Variants in MDGA2 observed in about 807,000 individuals in gnomAD.
MDGA2 encodes MAM domain containing glycosylphosphatidylinositol anchor 2, also known as MAM domain-containing glycosylphosphatidylinositol anchor protein 2.
In MDGA2, 40 loss-of-function variants were observed where a neutral mutation model predicts 117.8. That is an observed-to-expected ratio of 0.34 (90% CI 0.26 to 0.44). The LOEUF (loss-of-function observed/expected upper bound fraction) is 0.44. Among genes scored for constraint, MDGA2 ranks in the 20% least tolerant of loss-of-function variants. The pLI is 1.00. For synonymous variants in MDGA2, 452 were observed against 439.0 expected (o/e 1.03, Z -0.37); for missense variants, 1,123 against 1,250.6 (o/e 0.90, Z 1.54).
intron 7 of MDGA2, among the ~76,000 whole-genome samples, chr14:47,060,288 T>C (rs1003230747): frequency 6.6e-6 from 1 of 152,094 alleles, no homozygotes; most frequent in African/African-American, 2.4e-5. Context: ...ACTTCTATTC[T>C]TAAGGAGTAA....
intron 1 of MDGA2, among the ~76,000 whole-genome samples, chr14:47,413,425 G>C (rs1478707503): frequency 6.6e-6 from 1 of 152,114 alleles, no homozygotes; most frequent in Non-Finnish European, 1.5e-5. Context: ...CAGTGGGAAA[G>C]AAAGAAGTAA....
intron 10 of MDGA2, among the ~76,000 whole-genome samples, chr14:46,901,598 C>G (rs930271227): frequency 1.3e-5 from 2 of 152,160 alleles, no homozygotes; most frequent in Non-Finnish European, 1.5e-5. Flanking sequence ...CAGTACCAGA[C>G]ATTGAGGATA....
At chr14:47,078,332 A>C (rs1044434372) in intron 6 of MDGA2, among the ~76,000 whole-genome samples, 1 of 152,160 alleles carries the variant, frequency 6.6e-6, no homozygotes, top group Non-Finnish European at 1.5e-5. Flanking sequence ...TAAGGCTTTG[A>C]AAGATATTTG....
At chr14:47,572,750 C>T (rs1896043772) in intron 1 of MDGA2, among the ~76,000 whole-genome samples, 1 of 152,078 alleles carries the variant, frequency 6.6e-6, no homozygotes, top group African/African-American at 2.4e-5. Flanking sequence ...ACCTCAGAAA[C>T]AGTAATATAT....
chr14:47,650,599 G>T (rs1471312726), intron 1 of MDGA2, among the ~76,000 whole-genome samples: 1 of 152,122 alleles, frequency 6.6e-6, no homozygotes, highest in African/African-American at 2.4e-5. Flanking sequence ...TGATGGAAAG[G>T]CAACCTGTCC....
chr14:46,931,896 T>G (rs555100932), intron 9 of MDGA2, among the ~76,000 whole-genome samples: 5 of 152,020 alleles, frequency 3.3e-5, no homozygotes, highest in African/African-American at 1.2e-4. Flanking sequence ...TTTTAAATTT[T>G]TCATTAAATT....
At chr14:47,466,119 G>A (rs755311150) in intron 1 of MDGA2, among the ~76,000 whole-genome samples, 1 of 152,064 alleles carries the variant, frequency 6.6e-6, no homozygotes, top group Non-Finnish European at 1.5e-5. Context: ...GCTAAATTAT[G>A]AGATCTTATA....
chr14:47,372,990 C>A (rs1221907780), intron 1 of MDGA2, among the ~76,000 whole-genome samples: 1 of 151,742 alleles, frequency 6.6e-6, no homozygotes, highest in Non-Finnish European at 1.5e-5. Context: ...AATGCAAATA[C>A]CAGTATTATC....
chr14:47,651,560 G>A (rs1348529888), intron 1 of MDGA2, among the ~76,000 whole-genome samples: 1 of 152,046 alleles, frequency 6.6e-6, no homozygotes. Flanking sequence ...CAAATCAGAA[G>A]AGTGATGTAA....
chr14:47,571,416 AG>A (rs1474624016), intron 1 of MDGA2, among the ~76,000 whole-genome samples: 10 of 152,216 alleles, frequency 6.6e-5, no homozygotes, highest in Non-Finnish European at 1.5e-4. Flanking sequence ...ATATACCCAA[AG>A]GATTATAAAT....
chr14:46,919,977 C>T (rs1252330124), intron 10 of MDGA2, 35 bp downstream of exon 10: 19 of 1,536,012 alleles, frequency 1.2e-5, no homozygotes, highest in Non-Finnish European at 1.7e-5. Flanking sequence ...CACAGAGGAC[C>T]ACAAAGAAAA....
intron 1 of MDGA2, among the ~76,000 whole-genome samples, chr14:47,322,874 C>G (rs1890021462): frequency 6.6e-6 from 1 of 151,880 alleles, no homozygotes; most frequent in African/African-American, 2.4e-5. Context: ...CTAACGTAAA[C>G]CTCCCTCTCC....
At chr14:46,861,463 G>T (rs994928452) in intron 14 of MDGA2, among the ~76,000 whole-genome samples, 1 of 151,614 alleles carries the variant, frequency 6.6e-6, no homozygotes, top group Non-Finnish European at 1.5e-5. Context: ...TTCTATTTAT[G>T]TTTGTTGAAT....
intron 1 of MDGA2, among the ~76,000 whole-genome samples, chr14:47,531,109 G>A (rs1346000631): frequency 4.6e-5 from 7 of 152,120 alleles, no homozygotes; most frequent in African/African-American, 1.7e-4. Flanking sequence ...GCCAGGCGTG[G>A]TGGTGGGCGC....
intron 1 of MDGA2, among the ~76,000 whole-genome samples, chr14:47,659,347 CATA>C (rs1566562720): frequency 1.3e-5 from 2 of 152,104 alleles, no homozygotes; most frequent in African/African-American, 2.4e-5. Flanking sequence ...TCTGAAATGT[CATA>C]ATAATTGTTG....
intron 3 of MDGA2, among the ~76,000 whole-genome samples, chr14:47,171,188 C>T (rs908716486): frequency 6.6e-6 from 1 of 151,998 alleles, no homozygotes; most frequent in South Asian, 2.1e-4. Context: ...TCCAGAAAGC[C>T]ATAATCTCTG....
intron 8 of MDGA2, among the ~76,000 whole-genome samples, chr14:47,011,267 G>T (rs1326299521): frequency 6.6e-6 from 1 of 151,926 alleles, no homozygotes; most frequent in Admixed American, 6.6e-5. Context: ...GAATAACATT[G>T]TTCTTACTAC....
At chr14:47,161,089 A>G (rs550793806) in intron 3 of MDGA2, among the ~76,000 whole-genome samples, 60 of 152,182 alleles carry the variant, frequency 3.9e-4, no homozygotes, top group Admixed American at 3.0e-3. Context: ...TTTTAAAATA[A>G]CCAGATTTGC....
intron 1 of MDGA2, among the ~76,000 whole-genome samples, chr14:47,652,565 G>A (rs1451497068): frequency 6.6e-6 from 1 of 152,100 alleles, no homozygotes; most frequent in Non-Finnish European, 1.5e-5. Context: ...ATTAAACTTT[G>A]ATTCACAAGT....
Sources: gnomAD v4.1 joint callset for allele counts (sites outside exome capture counted in the v4.1 genomes callset) on GRCh38, gnomAD v4.1.1 for gene constraint, MANE v1.5 for transcripts, NCBI Gene and HGNC (gene_info 2026-07-23, HGNC 2026-07-21) for gene names.